Variants in PTCD2 observed in about 807,000 individuals in gnomAD.
The protein encoded by PTCD2 is pentatricopeptide repeat-containing protein 2, mitochondrial.
In PTCD2, 31 loss-of-function variants were observed where a neutral mutation model predicts 42.6. The ratio of observed to expected loss-of-function variants is 0.73; its 90% CI spans 0.55 to 0.98. The LOEUF is 0.98. Ranked by LOEUF, PTCD2 falls within the 50% of genes least tolerant of loss-of-function variation. The pLI, the probability that PTCD2 is intolerant of heterozygous loss-of-function variation, is 0.00. For missense variants in PTCD2, 476 were observed against 454.8 expected (o/e 1.05, Z -0.42); for synonymous variants, 183 against 170.9 (o/e 1.07, Z -0.55).
rs1174740857 is a variant in PTCD2, at chr5:72,359,279, A to C, written c.*852A>C. ...TTCTCTCTTGAATGCCTCATATTAA[A>C]AAAAAATGTGCCATGAGAGCAGTTC... On this transcript the variant is annotated 3_prime_UTR_variant, in exon 10 of 10. Transcript: ENST00000380639. 1 of 152,194 alleles carries C rather than the reference A, an allele frequency of 6.6e-6. No homozygotes were observed. The highest frequency in any genetic ancestry group is 1.5e-5 in the Non-Finnish European group (1 of 68,034). 9.4% of individuals were successfully genotyped at this position (152,194 alleles called of 1,614,324 possible). A position where few individuals can be genotyped will look rare whatever the true frequency, so the allele number is the denominator to read the frequency against.
rs556701743 is a variant in PTCD2 at position 72,365,687 on chromosome 5, C to T, written c.*7260C>T. The T allele has an allele frequency of 1.3e-5, 2 of 152,036 alleles. No homozygotes were observed. Among genetic ancestry groups the T allele is most frequent in the African/African-American group, 4.8e-5 (2 of 41,386 alleles). 9.4% of individuals were successfully genotyped at this position (152,036 alleles called of 1,614,324 possible). ...GTCAGGTAGGGTGAGGAGTATGTTC[C>T]GGTTATAGCTGGTAGCAAGATGGCT... On this transcript the variant is annotated 3_prime_UTR_variant, in exon 10 of 10. Transcript: ENST00000380639.
chr5:72,353,639 G>A (rs564843347), intron 9 of PTCD2, among the ~76,000 whole-genome samples: 1 of 152,158 alleles, frequency 6.6e-6, no homozygotes, highest in Non-Finnish European at 1.5e-5. Context: ...TCAAACTGTG[G>A]CTTAGGACAT....
In PTCD2 at chr5:72,361,384, G is replaced by C. The variant is rs1277457964; in HGVS notation, c.*2957G>C. ...TCTCAAAGGCTTCCTTAGTATTTCT[G>C]GCAGTTGATGCTAGGACCTCAGCTA... On this transcript the variant is annotated 3_prime_UTR_variant, in exon 10 of 10. Transcript: ENST00000380639. 6.6e-6 allele frequency: 1 copy of C among 152,184 alleles called. No individual in the cohort carries two copies. The highest frequency in any genetic ancestry group is 1.5e-5 in the Non-Finnish European group (1 of 68,060). The allele number at this position is 152,184 out of a possible 1,614,324, so 9.4% of individuals were successfully genotyped here.
At chr5:72,351,277 A>G (rs774565243) in intron 8 of PTCD2, among the ~76,000 whole-genome samples, 12 of 152,168 alleles carry the variant, frequency 7.9e-5, no homozygotes, top group Non-Finnish European at 1.8e-4. Flanking sequence ...ATAGTTGTGC[A>G]CAAGTTGGTG....
chr5:72,363,885 C>T lies in PTCD2; in HGVS notation c.*5458C>T, dbSNP rs1463073641. 1 of 152,162 alleles carries T rather than the reference C, an allele frequency of 6.6e-6. No homozygotes were observed. Among genetic ancestry groups the T allele is most frequent in the Non-Finnish European group, 1.5e-5 (1 of 68,026 alleles). 9.4% of individuals were successfully genotyped at this position (152,162 alleles called of 1,614,324 possible). ...AATAACCCACAATTCAAATTTCCTT[C>T]ATAACATTTCTACCTATAAATTTGA... On this transcript the variant is annotated 3_prime_UTR_variant, in exon 10 of 10. Coordinates refer to ENST00000380639, the MANE Select transcript of PTCD2 (RefSeq NM_024754.5).
chr5:72,350,750 C>G (rs1234555327), intron 8 of PTCD2, among the ~76,000 whole-genome samples: 1 of 152,184 alleles, frequency 6.6e-6, no homozygotes, highest in Non-Finnish European at 1.5e-5. Context: ...AGTTACTCAA[C>G]AAATGCAAAA....
In PTCD2 at chr5:72,368,190, T is replaced by C. The variant is rs771558731; in HGVS notation, c.*9763T>C. ...TGTTCTTATATGCAAAACACCTAGA[T>C]AGATGCAGAGTGTGGGACAAAGACA... On this transcript the variant is annotated 3_prime_UTR_variant, in exon 10 of 10. Coordinates refer to ENST00000380639, the MANE Select transcript of PTCD2 (RefSeq NM_024754.5). 3.9e-5 allele frequency: 6 copies of C among 152,210 alleles called. No homozygotes were observed. The highest frequency in any genetic ancestry group is 2.4e-5 in the African/African-American group (1 of 41,444). 9.4% of individuals were successfully genotyped at this position (152,210 alleles called of 1,614,324 possible).
chr5:72,331,320 G>C lies in PTCD2; in HGVS notation c.413G>C (p.Arg138Thr). 1 of 1,614,128 alleles carries C rather than the reference G, an allele frequency of 6.2e-7. No individual in the cohort carries two copies. Among genetic ancestry groups the C allele is most frequent in the Admixed American group, 1.7e-5 (1 of 60,022 alleles). Residue 138 changes from arginine (R) to threonine (T), a missense_variant, in exon 4 of 10, where the codon AGG (arginine) becomes ACG (threonine). Coordinates refer to ENST00000380639, the MANE Select transcript of PTCD2 (RefSeq NM_024754.5). ...GEYKFGPLFV[R>T]LCYELDLEES... is the part of the protein sequence containing the mutation. ...TATAAATTTGGACCGCTTTTTGTGA[G>C]GTTGTGTTACGAGTTGGATCTCGAG...
intron 3 of PTCD2, 119 bp downstream of exon 3, chr5:72,326,860 T>G: frequency 2.0e-6 from 2 of 978,012 alleles, no homozygotes; most frequent in Non-Finnish European, 3.0e-6. Flanking sequence ...TCCAGATCTC[T>G]TGTTCGGATG....
At chr5:72,323,977 A>G (rs1481758059) in intron 2 of PTCD2, among the ~76,000 whole-genome samples, 3 of 152,158 alleles carry the variant, frequency 2.0e-5, no homozygotes, top group Non-Finnish European at 4.4e-5. Flanking sequence ...TCAGTCCTCC[A>G]GAAATCAATG....
At position 72,331,491 on chromosome 5, in the gene PTCD2, G is replaced by A. The variant is rs1025922976; in HGVS notation, c.468+116G>A. ...TAGATTTTCAAAGAAAGGCTGCTGGGGCTGAATGAGCACATCTCTGCATTT... is the reference window on the plus strand; with the variant it reads ...TAGATTTTCAAAGAAAGGCTGCTGGAGCTGAATGAGCACATCTCTGCATTT... On this transcript the variant is annotated intron_variant, in intron 4 of 9. Coordinates refer to ENST00000380639, the MANE Select transcript of PTCD2 (RefSeq NM_024754.5). 12 of 775,762 alleles carry A rather than the reference G, an allele frequency of 1.5e-5. No homozygotes were observed. The African/African-American group carries it at 1.9e-4, about 12-fold the overall frequency. 48.1% of individuals were successfully genotyped at this position (775,762 alleles called of 1,614,324 possible). A position where few individuals can be genotyped will look rare whatever the true frequency, so the allele number is the denominator to read the frequency against.
intron 6 of PTCD2, among the ~76,000 whole-genome samples, chr5:72,338,342 C>T (rs1046267106): frequency 3.3e-5 from 5 of 152,120 alleles, no homozygotes; most frequent in Admixed American, 1.3e-4. Context: ...CTAGCCTGCC[C>T]AGATACAAAG....
chr5:72,347,017 C>CA (rs1323397026), intron 8 of PTCD2, among the ~76,000 whole-genome samples: 9 of 152,278 alleles, frequency 5.9e-5, no homozygotes, highest in African/African-American at 2.2e-4. Flanking sequence ...TCTAAGGTGT[C>CA]ATGCTTGGTA....
intron 2 of PTCD2, among the ~76,000 whole-genome samples, chr5:72,323,717 C>T (rs1190560351): frequency 1.3e-5 from 2 of 152,198 alleles, no homozygotes; most frequent in East Asian, 3.8e-4. Flanking sequence ...TTGGCACCAT[C>T]ATAGCTCGCT....
rs765318437 is a variant in PTCD2, at chr5:72,363,497, T to A, written c.*5070T>A. ...GGAGTTGTGGGCTTCAGATTCATCC[T>A]CTGTGTCCTCTGGTCTCAGTTGTGA... On this transcript the variant is annotated 3_prime_UTR_variant, in exon 10 of 10. Transcript: ENST00000380639. The A allele has an allele frequency of 2.0e-5, 3 of 152,362 alleles. No individual in the cohort carries two copies. The highest frequency in any genetic ancestry group is 4.4e-5 in the Non-Finnish European group (3 of 68,140). 9.4% of individuals were successfully genotyped at this position (152,362 alleles called of 1,614,324 possible).
At chr5:72,348,909 A>G (rs1174513139) in intron 8 of PTCD2, among the ~76,000 whole-genome samples, 1 of 152,226 alleles carries the variant, frequency 6.6e-6, no homozygotes, top group Non-Finnish European at 1.5e-5. Flanking sequence ...GTTCTAGCAT[A>G]TGCTGGGAAG....
In PTCD2 at chr5:72,331,247, T is replaced by A; in HGVS notation, c.351-11T>A. 6.4e-7 allele frequency: 1 copy of A among 1,569,610 alleles called. No individual in the cohort carries two copies. The highest frequency in any genetic ancestry group is 8.8e-7 in the Non-Finnish European group (1 of 1,139,488). On this transcript the variant is annotated splice_polypyrimidine_tract_variant and intron_variant, in intron 3 of 9. Coordinates refer to ENST00000380639, the MANE Select transcript of PTCD2 (RefSeq NM_024754.5). ...CTACCTTTTGGCTCATTGAATCATT[T>A]TCATTACCAGGTACCATGCAGAGAA...
rs1392513938 is a variant in PTCD2, at chr5:72,364,894, G to C, written c.*6467G>C. 6.6e-6 allele frequency: 1 copy of C among 152,332 alleles called. No individual in the cohort carries two copies. The highest frequency in any genetic ancestry group is 1.5e-5 in the Non-Finnish European group (1 of 68,152). 9.4% of individuals were successfully genotyped at this position (152,332 alleles called of 1,614,324 possible). A position where few individuals can be genotyped will look rare whatever the true frequency, so the allele number is the denominator to read the frequency against. On this transcript the variant is annotated 3_prime_UTR_variant, in exon 10 of 10. Coordinates refer to ENST00000380639, the MANE Select transcript of PTCD2 (RefSeq NM_024754.5). ...ATCTGAGAAAGAAGTGATTTGGCGA[G>C]GGGTTGGGGGAGTAGGCGGTGGGCA...
At chr5:72,344,098 C>T (rs562943992) in intron 8 of PTCD2, among the ~76,000 whole-genome samples, 8 of 152,168 alleles carry the variant, frequency 5.3e-5, no homozygotes, top group African/African-American at 1.4e-4. Context: ...CGTGAGGGGC[C>T]CTTAGGGCGG....
Sources: allele counts gnomAD v4.1 joint callset (sites outside exome capture counted in the v4.1 genomes callset), GRCh38; gene constraint gnomAD v4.1.1; transcripts MANE v1.5; gene names NCBI Gene and HGNC (gene_info 2026-07-23, HGNC 2026-07-21).